Variants in TOX3 observed in about 807,000 individuals in gnomAD.
TOX3 encodes CAG trinucleotide repeat-containing gene F9 protein.
In TOX3, 22 loss-of-function variants were observed where a neutral mutation model predicts 64.3. The ratio of observed to expected loss-of-function variants is 0.34; its 90% CI spans 0.24 to 0.49. The LOEUF is 0.49. Ranked by LOEUF, TOX3 falls within the 20% of genes least tolerant of loss-of-function variation. The probability of loss-of-function intolerance (pLI) is 0.99; values close to 1 mark genes in which losing one functional copy is unlikely to be tolerated. For missense variants in TOX3, 661 were observed against 714.4 expected, an observed-to-expected ratio of 0.93 and a Z score of 0.85; for synonymous variants, 291 against 273.6, an observed-to-expected ratio of 1.06 and a Z score of -0.63.
In TOX3 at chr16:52,436,589, A is replaced by G. The variant is rs1287524396; in HGVS notation, c.*2636T>C. 2.0e-5 allele frequency among the ~76,000 whole-genome samples: 3 copies of G among 152,174 alleles called. No homozygotes were observed. Among genetic ancestry groups the G allele is most frequent in the Non-Finnish European group, 2.9e-5 (2 of 68,034 alleles). ...AATAATTTGGTAACAAGGTTGAGGA[A>G]TTCTTTTCATGATTCAAGCCTTTTG... On this transcript the variant is annotated 3_prime_UTR_variant, in exon 7 of 7. Transcript: ENST00000219746.
chr16:52,519,781 G>A lies in TOX3; in HGVS notation c.87+26856C>T, dbSNP rs774419587. ...AAGACCAACTTGGGCAATGTATTGA[G>A]AGCTTATCTCTACAAAAAAAAAATT... On this transcript the variant is annotated intron_variant, in intron 1 of 6. Transcript: ENST00000219746. Among the ~76,000 whole-genome samples the A allele has an allele frequency of 2.7e-5, 4 of 150,942 alleles. No homozygotes were observed. The East Asian group carries it at 7.8e-4, about 30-fold the overall frequency.
At position 52,505,705 on chromosome 16, in the gene TOX3, AGTAGCTC is replaced by A. The variant is rs534620263; in HGVS notation, c.88-37138_88-37132del. ...TAGGAATCTCTAGAAGGCTGGGTAC[AGTAGCTC>A]ATGTCTGTGATCCCAGCACTTTGGG... On this transcript the variant is annotated intron_variant, in intron 1 of 6. Transcript: ENST00000219746. Among the ~76,000 whole-genome samples, 415 of 152,314 alleles carry A rather than the reference AGTAGCTC, an allele frequency of 2.7e-3. 3 individuals carry two copies. Among genetic ancestry groups the A allele is most frequent in the Non-Finnish European group, 3.9e-3 (265 of 68,022 alleles).
intron 1 of TOX3, among the ~76,000 whole-genome samples, chr16:52,485,679 A>C (rs1178397148): frequency 2.6e-5 from 4 of 152,152 alleles, no homozygotes; most frequent in Non-Finnish European, 5.9e-5. Context: ...GGAAGCATAT[A>C]GATGGAGAAT....
chr16:52,451,178 C>T (rs1019550559), intron 3 of TOX3, among the ~76,000 whole-genome samples: 3 of 152,146 alleles, frequency 2.0e-5, no homozygotes. Flanking sequence ...ACGGTCATTC[C>T]GATTCTGAAT....
rs567437291 is a variant in TOX3 at position 52,450,860 on chromosome 16, A to G, written c.409-314T>C. On this transcript the variant is annotated intron_variant, in intron 3 of 6. Transcript: ENST00000219746. Reference sequence around the variant, plus strand: ...AGGAAGGAAGGAAGGAAGGAAGGAAAAAAAGAAGAAAGGAAATTAGAAAAA... The same window carrying G: ...AGGAAGGAAGGAAGGAAGGAAGGAAGAAAAGAAGAAAGGAAATTAGAAAAA... Among the ~76,000 whole-genome samples the G allele has an allele frequency of 4.7e-4, 68 of 144,956 alleles. 1 individual carries two copies. Among genetic ancestry groups the G allele is most frequent in the Middle Eastern group, 7.1e-3 (2 of 280 alleles).
At chr16:52,502,792 T>C (rs1335065390) in intron 1 of TOX3, among the ~76,000 whole-genome samples, 2 of 152,240 alleles carry the variant, frequency 1.3e-5, no homozygotes, top group Non-Finnish European at 2.9e-5. Context: ...ATAATATTGC[T>C]TCTTGCATTA....
Position 52,439,676 on chromosome 16 carries a change from G to C in TOX3, c.1280C>G (p.Ala427Gly), listed in dbSNP as rs372487403. ...SSMGTTMVGS[A>G]PSTQVSPSVQ... ...CGAAGGACTCACTTGGGTGGAGGGT[G>C]CTGAGCCAACCATGGTCGTTCCCAT... The change falls in exon 7 of 7, where the codon GCA (alanine) becomes GGA (glycine). Residue 427 changes from alanine to glycine, a missense_variant. Physicochemically the swap from Ala to Gly is moderately conservative, Grantham distance 60 (BLOSUM62 0). Transcript: ENST00000219746. 1.1e-5 allele frequency: 17 copies of C among 1,613,904 alleles called. No homozygotes were observed. The South Asian group carries it at 1.6e-4, about 16-fold the overall frequency.
intron 1 of TOX3, among the ~76,000 whole-genome samples, chr16:52,490,888 C>T (rs965316987): frequency 6.6e-6 from 1 of 152,014 alleles, no homozygotes; most frequent in African/African-American, 2.4e-5. Context: ...CTCAGCCTCC[C>T]AAAATGCCAG....
intron 5 of TOX3, chr16:52,444,660 A>G (rs952724786): frequency 2.0e-5 from 5 of 245,446 alleles, no homozygotes; most frequent in Non-Finnish European, 3.1e-5. Flanking sequence ...TTTCTTGAGA[A>G]CAGCTGAAAA....
chr16:52,511,221 C>T (rs755781976), intron 1 of TOX3, among the ~76,000 whole-genome samples: 2 of 152,090 alleles, frequency 1.3e-5, no homozygotes, highest in Non-Finnish European at 2.9e-5. Context: ...TGGCTGGGCA[C>T]GGTGACTCAT....
chr16:52,439,188 T>C lies in TOX3; in HGVS notation c.*37A>G. The C allele has an allele frequency of 1.9e-6, 3 of 1,613,354 alleles. No individual in the cohort carries two copies. Among genetic ancestry groups the C allele is most frequent in the Non-Finnish European group, 2.5e-6 (3 of 1,179,664 alleles). ...TATGCTTTTCCCTCCTATGCCACTC[T>C]CCTTGGTATACGCAAATCCGTCTGC... is the stretch of plus-strand genomic sequence containing the variant. On this transcript the variant is annotated 3_prime_UTR_variant, in exon 7 of 7. Coordinates refer to ENST00000219746, the MANE Select transcript of TOX3 (RefSeq NM_001080430.4).
chr16:52,456,829 G>C (rs1475308192), intron 3 of TOX3, among the ~76,000 whole-genome samples: 19 of 152,154 alleles, frequency 1.2e-4, no homozygotes. Flanking sequence ...GTGGATACTG[G>C]GGCCTGCCTA....
intron 3 of TOX3, among the ~76,000 whole-genome samples, chr16:52,460,670 A>G (rs1960660881): frequency 1.3e-5 from 2 of 152,018 alleles, no homozygotes; most frequent in African/African-American, 4.8e-5. Flanking sequence ...ACAGCATTTT[A>G]TTTTCCCATT....
In TOX3 at chr16:52,459,679, A is replaced by G. The variant is rs113483253; in HGVS notation, c.408+4255T>C. Among the ~76,000 whole-genome samples, 8 of 152,240 alleles carry G rather than the reference A, an allele frequency of 5.3e-5. 2 individuals carry two copies. Among genetic ancestry groups the G allele is most frequent in the African/African-American group, 1.9e-4 (8 of 41,550 alleles). ...AATGAATGCGTTCATAACAATAATAAAGGCTTGTTTTAATAGAATGTTCCA... is the reference window on the plus strand; with the variant it reads ...AATGAATGCGTTCATAACAATAATAGAGGCTTGTTTTAATAGAATGTTCCA... On this transcript the variant is annotated intron_variant, in intron 3 of 6. Transcript: ENST00000219746.
At chr16:52,489,068 A>G (rs981688469) in intron 1 of TOX3, among the ~76,000 whole-genome samples, 21 of 152,206 alleles carry the variant, frequency 1.4e-4, no homozygotes, top group African/African-American at 4.6e-4. Flanking sequence ...CAGAACTTCA[A>G]ATCATCCCTT....
Position 52,547,073 on chromosome 16 carries a change from G to T in TOX3, c.-350C>A. 2.2e-6 allele frequency: 1 copy of T among 463,802 alleles called. No individual in the cohort carries two copies. 28.7% of individuals were successfully genotyped at this position (463,802 alleles called of 1,614,324 possible). On this transcript the variant is annotated 5_prime_UTR_variant, in exon 1 of 7. Transcript: ENST00000219746. Reference sequence around the variant, plus strand: ...GTGCGCTGGGCGAGGCTGGGACGGCGGCGGCGGCGGCGGCTGGCCCCGCTC... The same window carrying T: ...GTGCGCTGGGCGAGGCTGGGACGGCTGCGGCGGCGGCGGCTGGCCCCGCTC...
chr16:52,472,181 A>G (rs1347617357), intron 1 of TOX3, among the ~76,000 whole-genome samples: 2 of 152,220 alleles, frequency 1.3e-5, no homozygotes, highest in African/African-American at 4.8e-5. Context: ...CAGTTCCTTC[A>G]TCCAACAAAT....
At chr16:52,537,939 A>G (rs1276153982) in intron 1 of TOX3, among the ~76,000 whole-genome samples, 2 of 152,010 alleles carry the variant, frequency 1.3e-5, no homozygotes, top group African/African-American at 2.4e-5. Flanking sequence ...CAGAGCTAAT[A>G]TAAGAAAGTC....
intron 1 of TOX3, among the ~76,000 whole-genome samples, chr16:52,538,221 A>G (rs1453248282): frequency 6.6e-6 from 1 of 152,206 alleles, no homozygotes; most frequent in African/African-American, 2.4e-5. Flanking sequence ...TAACTGTTTG[A>G]TATTTCTAGA....
Sources: allele counts gnomAD v4.1 joint callset (sites outside exome capture counted in the v4.1 genomes callset), GRCh38; gene constraint gnomAD v4.1.1; transcripts MANE v1.5; gene names NCBI Gene and HGNC (gene_info 2026-07-23, HGNC 2026-07-21).